The following EXOC4 variants were observed in gnomAD, a reference collection of about 807,000 sequenced individuals.
EXOC4 encodes exocyst complex component 4, also known as SEC8-like 1.
A neutral mutation model predicts 107.2 loss-of-function variants in EXOC4; 71 were observed. The ratio of observed to expected loss-of-function variants is 0.66; its 90% CI spans 0.55 to 0.81. EXOC4 has a LOEUF of 0.81. Ranked by LOEUF, EXOC4 falls within the 30% of genes least tolerant of loss-of-function variation. EXOC4 has a pLI of 0.00. For synonymous variants in EXOC4, 456 were observed against 441.2 expected (o/e 1.03, Z -0.42); for missense variants, 1,108 against 1,189.6 (o/e 0.93, Z 1.01).
chr7:133,364,451 A>ATG (rs998704271), intron 6 of EXOC4, among the ~76,000 whole-genome samples: 13 of 152,118 alleles, frequency 8.5e-5, no homozygotes, highest in Admixed American at 8.5e-4. Context: ...GTTTTAATGA[A>ATG]TGAATGAATA....
chr7:133,430,013 A>G (rs1797819226), intron 7 of EXOC4, among the ~76,000 whole-genome samples: 4 of 152,204 alleles, frequency 2.6e-5, no homozygotes, highest in Admixed American at 6.5e-5. Context: ...AGCAGTTGCC[A>G]TCTCTGGACA....
intron 1 of EXOC4, among the ~76,000 whole-genome samples, chr7:133,255,397 G>A (rs1240627163): frequency 2.0e-5 from 3 of 152,024 alleles, no homozygotes; most frequent in Admixed American, 6.6e-5. Flanking sequence ...GGATGGTCTC[G>A]ATCGCTTGAC....
chr7:134,091,326 T>C, the EXOC4 span, among the ~76,000 whole-genome samples: 1 of 152,146 alleles, frequency 6.6e-6, no homozygotes, highest in Admixed American at 6.5e-5. Context: ...TTTTAGACCA[T>C]ATAGGGGAAC....
chr7:133,639,397 C>T (rs1288779073), intron 10 of EXOC4, among the ~76,000 whole-genome samples: 6 of 151,922 alleles, frequency 3.9e-5, no homozygotes, highest in African/African-American at 1.5e-4. Flanking sequence ...TTAATATTGC[C>T]TACTGTGTTT....
intron 10 of EXOC4, among the ~76,000 whole-genome samples, chr7:133,687,226 A>G (rs1041285418): frequency 2.0e-5 from 3 of 152,066 alleles, no homozygotes; most frequent in Admixed American, 2.0e-4. Context: ...AGGCATAAGA[A>G]TGATACAGTG....
At chr7:133,874,234 G>A (rs1357516520) in intron 11 of EXOC4, among the ~76,000 whole-genome samples, 1 of 152,176 alleles carries the variant, frequency 6.6e-6, no homozygotes, top group Non-Finnish European at 1.5e-5. Flanking sequence ...TGGAGCCCAG[G>A]TCTCCTGTTG....
intron 10 of EXOC4, among the ~76,000 whole-genome samples, chr7:133,755,574 C>T (rs1006170647): frequency 2.3e-4 from 35 of 151,520 alleles, no homozygotes; most frequent in Admixed American, 5.9e-4. Flanking sequence ...GATATCCTGA[C>T]CTCGTGATCC....
At chr7:133,826,612 T>C (rs558278600) in intron 11 of EXOC4, among the ~76,000 whole-genome samples, 7 of 152,120 alleles carry the variant, frequency 4.6e-5, no homozygotes, top group Non-Finnish European at 8.8e-5. Context: ...TAATTATTAT[T>C]AGTGGTCCAC....
chr7:133,424,018 G>T (rs1233360083), intron 7 of EXOC4, among the ~76,000 whole-genome samples: 1 of 152,170 alleles, frequency 6.6e-6, no homozygotes, highest in Non-Finnish European at 1.5e-5. Context: ...GATTGTAAAT[G>T]CACCAATCAG....
chr7:133,395,109 C>CTTTTTTTTTTTTTTTT (rs200545904), intron 7 of EXOC4, among the ~76,000 whole-genome samples: 1 of 130,882 alleles, frequency 7.6e-6, no homozygotes, highest in Non-Finnish European at 1.6e-5. Context: ...ATACTTTTGC[C>CTTTTTTTTTTTTTTTT]TTTTTTTTTT....
chr7:133,916,295 C>T (rs114017683), intron 12 of EXOC4, among the ~76,000 whole-genome samples: 2,341 of 152,340 alleles, frequency 0.015, 57 homozygotes, highest in African/African-American at 0.053. Context: ...CGCTGCTCAC[C>T]TCCTGCTGTG....
At chr7:133,447,656 TAAGAA>T (rs1211014639) in intron 7 of EXOC4, among the ~76,000 whole-genome samples, 1 of 152,012 alleles carries the variant, frequency 6.6e-6, no homozygotes, top group South Asian at 2.1e-4. Context: ...ATAAAAATAT[TAAGAA>T]AATAGAGAAA....
At position 133,449,200 on chromosome 7, in the gene EXOC4, A is replaced by G. The variant is rs189363928; in HGVS notation, c.1183-26128A>G. ...TAATGATGGAGGCAGAGATTAGAGT[A>G]AAACTTGTACATGCCGTAGAACGCC... On this transcript the variant is annotated intron_variant, in intron 7 of 17. Transcript: ENST00000253861. 6.0e-3 allele frequency among the ~76,000 whole-genome samples: 919 copies of G among 152,314 alleles called. 7 individuals carry two copies. Among genetic ancestry groups the G allele is most frequent in the Admixed American group, 0.01 (154 of 15,302 alleles).
intron 9 of EXOC4, among the ~76,000 whole-genome samples, chr7:133,603,340 A>G (rs982174459): frequency 6.6e-6 from 1 of 152,218 alleles, no homozygotes; most frequent in African/African-American, 2.4e-5. Flanking sequence ...TTAAACTCAA[A>G]TGCATCTTCA....
intron 11 of EXOC4, among the ~76,000 whole-genome samples, chr7:133,868,559 T>C (rs1325699413): frequency 2.0e-5 from 3 of 152,194 alleles, no homozygotes; most frequent in East Asian, 1.9e-4. Flanking sequence ...GACTACTTCT[T>C]AAATAGACTT....
chr7:133,253,472 G>A lies in EXOC4; in HGVS notation c.86+285G>A, dbSNP rs151199723. 1.6e-3 allele frequency: 1,842 copies of A among 1,165,118 alleles called. 29 individuals are homozygous for A. In the African/African-American group the frequency reaches 0.027, roughly 17 times the overall value. The allele number at this position is 1,165,118 out of a possible 1,614,324, so 72.2% of individuals were successfully genotyped here. ...CCCCAAAGCACGCTATTTGGGTTTG[G>A]TAGAGAAAACCAGGTGTAAAGGTGT... On this transcript the variant is annotated intron_variant, in intron 1 of 17. Transcript: ENST00000253861.
At chr7:133,310,662 T>C (rs1387787762) in intron 4 of EXOC4, among the ~76,000 whole-genome samples, 2 of 151,898 alleles carry the variant, frequency 1.3e-5, no homozygotes, top group South Asian at 4.2e-4. Flanking sequence ...ACAGGAAGGG[T>C]CTGTTTGGGT....
At chr7:133,947,656 C>T (rs893763855) in intron 14 of EXOC4, among the ~76,000 whole-genome samples, 1 of 152,196 alleles carries the variant, frequency 6.6e-6, no homozygotes, top group African/African-American at 2.4e-5. Context: ...CCCCACCCCC[C>T]TCCGTAAGGA....
At chr7:133,691,922 C>A (rs1260177109) in intron 10 of EXOC4, among the ~76,000 whole-genome samples, 3 of 152,176 alleles carry the variant, frequency 2.0e-5, no homozygotes, top group Non-Finnish European at 4.4e-5. Context: ...TACCCTTTGA[C>A]CATCTCCACT....
Sources: gnomAD v4.1 joint callset for allele counts (sites outside exome capture counted in the v4.1 genomes callset) on GRCh38, gnomAD v4.1.1 for gene constraint, MANE v1.5 for transcripts, NCBI Gene and HGNC (gene_info 2026-07-23, HGNC 2026-07-21) for gene names.